Variants in PLXDC2 observed in about 807,000 individuals in gnomAD.
The protein encoded by PLXDC2 is plexin domain-containing protein 2.
Under a neutral mutation model 68.9 loss-of-function variants are expected in PLXDC2, and 40 were observed. The observed-to-expected ratio is 0.58, with a 90% confidence interval of 0.45 to 0.76. The LOEUF (loss-of-function observed/expected upper bound fraction) is 0.76, where lower values mean the gene tolerates loss of function less well. Among genes scored for constraint, PLXDC2 ranks in the 30% least tolerant of loss-of-function variants. The pLI, the probability that PLXDC2 is intolerant of heterozygous loss-of-function variation, is 0.00. For missense variants in PLXDC2, 644 were observed against 661.9 expected (o/e 0.97, Z 0.30); for synonymous variants, 243 against 234.2 (o/e 1.04, Z -0.34).
chr10:20,070,926 T>C (rs1196017202), intron 4 of PLXDC2: 1 of 151,990 alleles, frequency 6.6e-6, no homozygotes, highest in Non-Finnish European at 1.5e-5. Context: ...ACATCATCCT[T>C]GCGATTTCAA....
chr10:20,196,707 A>G (rs1834842741), intron 9 of PLXDC2, among the ~76,000 whole-genome samples: 1 of 152,200 alleles, frequency 6.6e-6, no homozygotes, highest in African/African-American at 2.4e-5. Flanking sequence ...CAGTTGTTAA[A>G]TGGGAAAAAA....
intron 1 of PLXDC2, among the ~76,000 whole-genome samples, chr10:19,825,912 T>G (rs1836560991): frequency 1.3e-5 from 2 of 152,232 alleles, no homozygotes; most frequent in Admixed American, 6.5e-5. Context: ...CCTGTGGGCA[T>G]AGCTGGCGGG....
intron 12 of PLXDC2, among the ~76,000 whole-genome samples, chr10:20,239,573 T>A (rs1212701611): frequency 6.6e-6 from 1 of 152,038 alleles, no homozygotes; most frequent in Non-Finnish European, 1.5e-5. Context: ...AAGAACAGCA[T>A]AAGAGAAACC....
chr10:19,841,115 C>T (rs1245522646), intron 1 of PLXDC2, among the ~76,000 whole-genome samples: 2 of 152,158 alleles, frequency 1.3e-5, no homozygotes, highest in African/African-American at 4.8e-5. Flanking sequence ...CATCAGTGTT[C>T]GAATCCTTCT....
chr10:20,239,256 G>A (rs774857689), intron 12 of PLXDC2, among the ~76,000 whole-genome samples: 12 of 152,132 alleles, frequency 7.9e-5, no homozygotes, highest in East Asian at 1.9e-4. Flanking sequence ...AAGAGTTTAC[G>A]TCTTAAGACT....
chr10:20,227,455 T>C (rs1444395171), intron 12 of PLXDC2, among the ~76,000 whole-genome samples: 1 of 152,052 alleles, frequency 6.6e-6, no homozygotes, highest in Admixed American at 6.6e-5. Flanking sequence ...AGGAAGGGGA[T>C]TGACATAGAA....
At position 20,283,859 on chromosome 10, in the gene PLXDC2, AC is replaced by A. The variant is rs1836112639; in HGVS notation, c.*4042del. On this transcript the variant is annotated 3_prime_UTR_variant, in exon 14 of 14. Transcript: ENST00000377252. The stretch of plus-strand genomic sequence containing the variant: ...TAAAACTATTTGGAACTTAATGTAA[AC>A]CTTTGCACATGCAGACTATATAAAG... 6.6e-6 allele frequency: 1 copy of A among 152,214 alleles called. No homozygotes were observed. The highest frequency in any genetic ancestry group is 6.5e-5 in the Admixed American group (1 of 15,272). 9.4% of individuals were successfully genotyped at this position (152,214 alleles called of 1,614,324 possible). A position where few individuals can be genotyped will look rare whatever the true frequency, so the allele number is the denominator to read the frequency against.
intron 10 of PLXDC2, 61 bp downstream of exon 10, chr10:20,211,790 CT>C: frequency 6.8e-7 from 1 of 1,477,982 alleles, no homozygotes; most frequent in Non-Finnish European, 9.3e-7. Flanking sequence ...TGTGTTTTAA[CT>C]GTTAATAATT....
intron 1 of PLXDC2, among the ~76,000 whole-genome samples, chr10:19,889,960 G>A (rs1380323442): frequency 1.3e-5 from 2 of 152,210 alleles, no homozygotes; most frequent in Non-Finnish European, 2.9e-5. Flanking sequence ...GCGTAGAGTA[G>A]TGACAGGTAG....
chr10:20,114,778 G>A (rs773799877), intron 4 of PLXDC2, among the ~76,000 whole-genome samples: 40 of 152,198 alleles, frequency 2.6e-4, no homozygotes, highest in Non-Finnish European at 5.1e-4. Flanking sequence ...AGTATCTGGA[G>A]CACAGGATAC....
chr10:19,948,914 G>A (rs559022736), intron 1 of PLXDC2, among the ~76,000 whole-genome samples: 4 of 151,924 alleles, frequency 2.6e-5, no homozygotes, highest in South Asian at 2.1e-4. Flanking sequence ...GGCAAATCAC[G>A]AGGTCAAGCG....
intron 1 of PLXDC2, among the ~76,000 whole-genome samples, chr10:19,843,203 A>G (rs1279179500): frequency 2.6e-5 from 4 of 152,194 alleles, no homozygotes; most frequent in Admixed American, 6.5e-5. Context: ...GTTTGAAAAC[A>G]GTGTTTATGT....
chr10:20,259,450 C>G (rs1835782979), intron 13 of PLXDC2, among the ~76,000 whole-genome samples: 1 of 151,920 alleles, frequency 6.6e-6, no homozygotes, highest in Admixed American at 6.6e-5. Context: ...ACATTAAAAA[C>G]AGAACCATTA....
chr10:19,945,690 T>G (rs1564635645), intron 1 of PLXDC2, among the ~76,000 whole-genome samples: 1 of 152,188 alleles, frequency 6.6e-6, no homozygotes, highest in Non-Finnish European at 1.5e-5. Context: ...TGTTATCTTG[T>G]CTGTGCTTCC....
chr10:19,861,536 C>T lies in PLXDC2; in HGVS notation c.112+44345C>T, dbSNP rs566040002. On this transcript the variant is annotated intron_variant, in intron 1 of 13. Transcript: ENST00000377252. ...TAGCACAACATTCCAGTAACCTTTT[C>T]AGCCTCAATTTATGCCTCTCCATTC... is the stretch of plus-strand genomic sequence containing the variant. Among the ~76,000 whole-genome samples the T allele has an allele frequency of 2.0e-5, 3 of 152,304 alleles. No homozygotes were observed. The South Asian group carries it at 6.2e-4, about 32-fold the overall frequency.
At chr10:20,199,473 A>G (rs2131846441) in intron 9 of PLXDC2, among the ~76,000 whole-genome samples, 1 of 152,124 alleles carries the variant, frequency 6.6e-6, no homozygotes, top group East Asian at 1.9e-4. Context: ...TTATTTGTAG[A>G]TAAAAGAATC....
chr10:20,070,561 G>C (rs1775489990), intron 4 of PLXDC2, among the ~76,000 whole-genome samples: 1 of 152,138 alleles, frequency 6.6e-6, no homozygotes. Flanking sequence ...AATTAATTTT[G>C]TTGAAGGGTT....
chr10:20,042,171 C>G (rs1463924491), intron 2 of PLXDC2, among the ~76,000 whole-genome samples: 1 of 152,120 alleles, frequency 6.6e-6, no homozygotes, highest in Non-Finnish European at 1.5e-5. Flanking sequence ...GTGGGTTCAT[C>G]TCTGTAATTC....
chr10:20,072,075 G>T (rs1836326214), intron 4 of PLXDC2, among the ~76,000 whole-genome samples: 1 of 152,086 alleles, frequency 6.6e-6, no homozygotes, highest in Non-Finnish European at 1.5e-5. Flanking sequence ...TGCCGGTCAT[G>T]GTGGCTCATG....
Sources: allele counts gnomAD v4.1 joint callset (sites outside exome capture counted in the v4.1 genomes callset), GRCh38; gene constraint gnomAD v4.1.1; transcripts MANE v1.5; gene names NCBI Gene and HGNC (gene_info 2026-07-23, HGNC 2026-07-21).